Variants in CCDC85C observed in about 807,000 individuals in gnomAD.
CCDC85C encodes coiled-coil domain containing 85C.
Under a neutral mutation model 38.3 loss-of-function variants are expected in CCDC85C, and 18 were observed. The ratio of observed to expected loss-of-function variants is 0.47; its 90% confidence interval spans 0.33 to 0.70. CCDC85C has a LOEUF of 0.70. Among genes scored for constraint, CCDC85C ranks in the 30% least tolerant of loss-of-function variants. The pLI is 0.03. For missense variants in CCDC85C, 566 were observed against 621.2 expected (o/e 0.91, Z 0.94); for synonymous variants, 264 against 293.8 (o/e 0.90, Z 1.04).
chr14:99,599,065 G>A (rs147959727), intron 1 of CCDC85C, among the ~76,000 whole-genome samples: 56 of 152,218 alleles, frequency 3.7e-4, no homozygotes, highest in African/African-American at 1.3e-3. Context: ...CCTGAGCTTG[G>A]CTGGGTTTAG....
chr14:99,501,979 A>T lies in CCDC85C; in HGVS notation c.*13267T>A. The T allele has an allele frequency of 2.4e-6, 1 of 411,106 alleles. No homozygotes were observed. The allele number at this position is 411,106 out of a possible 1,614,324, so 25.5% of individuals were successfully genotyped here. Reference sequence around the variant, plus strand: ...TGGTGTAGCAATTTTTGGATGTGCTAGAATTCTTCTGATTCTTTAAGGAAT... The same window carrying T: ...TGGTGTAGCAATTTTTGGATGTGCTTGAATTCTTCTGATTCTTTAAGGAAT... On this transcript the variant is annotated 3_prime_UTR_variant, in exon 6 of 6. Coordinates refer to ENST00000380243, the MANE Select transcript of CCDC85C (RefSeq NM_001144995.2).
In CCDC85C at chr14:99,603,261, G is replaced by A. The variant is rs1188515400; in HGVS notation, c.699C>T (p.His233=). Reference sequence around the variant, plus strand: ...CTCCTGCCTTGCCGTCGGGGGCCTTGTGCGGCCCGGGGGGCAGCAGCGGGG... The same window carrying A: ...CTCCTGCCTTGCCGTCGGGGGCCTTATGCGGCCCGGGGGGCAGCAGCGGGG... ...VPPPLLPPGP[H]KAPDGKAGAT... The change falls in exon 1 of 6, where the codon CAC becomes CAT. Residue 233 remains histidine, a synonymous_variant. Coordinates refer to ENST00000380243, the MANE Select transcript of CCDC85C (RefSeq NM_001144995.2). This position sits in a 1 kb window ranked among gnomAD's most constrained non-coding sequence, Gnocchi z 7.5. 2.2e-6 allele frequency: 3 copies of A among 1,390,708 alleles called. No individual in the cohort carries two copies. Among genetic ancestry groups the A allele is most frequent in the African/African-American group, 3.0e-5 (2 of 65,870 alleles). The allele number at this position is 1,390,708 out of a possible 1,614,324, so 86.1% of individuals were successfully genotyped here. A position where few individuals can be genotyped will look rare whatever the true frequency, so the allele number is the denominator to read the frequency against.
chr14:99,586,316 G>A (rs539678623), intron 1 of CCDC85C, among the ~76,000 whole-genome samples: 5 of 152,362 alleles, frequency 3.3e-5, no homozygotes, highest in Admixed American at 3.3e-4. Context: ...GCAGGCACCA[G>A]AGGCACAATC....
At chr14:99,546,615 TG>T (rs1280711422) in intron 1 of CCDC85C, among the ~76,000 whole-genome samples, 2 of 151,884 alleles carry the variant, frequency 1.3e-5, no homozygotes, top group African/African-American at 4.8e-5. Context: ...CCTAGGGCGA[TG>T]GGAGTTCAGA....
At chr14:99,553,999 G>A (rs549419212) in intron 1 of CCDC85C, among the ~76,000 whole-genome samples, 13 of 152,294 alleles carry the variant, frequency 8.5e-5, no homozygotes, top group South Asian at 4.1e-4. Context: ...TGCAGGTTGC[G>A]GGAGGGACAG....
chr14:99,557,295 G>A (rs529289865), intron 1 of CCDC85C, among the ~76,000 whole-genome samples: 8 of 152,196 alleles, frequency 5.3e-5, no homozygotes, highest in South Asian at 2.1e-4. Flanking sequence ...ACCAGGGCAC[G>A]TGGTCTCAGA....
At chr14:99,522,512 A>AT (rs1432912179) in intron 2 of CCDC85C, 11 of 307,060 alleles carry the variant, frequency 3.6e-5, no homozygotes, top group African/African-American at 7.0e-5. Flanking sequence ...GAATGAATGA[A>AT]GAAGAGCCAG....
chr14:99,561,799 T>A lies in CCDC85C; in HGVS notation c.794-25711A>T, dbSNP rs530806499. Among the ~76,000 whole-genome samples, 12 of 152,192 alleles carry A rather than the reference T, an allele frequency of 7.9e-5. No individual in the cohort carries two copies. The South Asian group carries it at 2.3e-3, about 29-fold the overall frequency. On this transcript the variant is annotated intron_variant, in intron 1 of 5. Coordinates refer to ENST00000380243, the MANE Select transcript of CCDC85C (RefSeq NM_001144995.2). ...AAGGGGGCAGAGGAGGGATGCCAGG[T>A]GGGAGCAGGGAGACGGCCTTAGGTT...
intron 1 of CCDC85C, among the ~76,000 whole-genome samples, chr14:99,578,802 G>C (rs779997350): frequency 6.6e-6 from 1 of 152,154 alleles, no homozygotes; most frequent in Admixed American, 6.5e-5. Flanking sequence ...TTCCAAGACC[G>C]GAGCTGGCTT....
At chr14:99,568,094 A>G (rs1898254307) in intron 1 of CCDC85C, among the ~76,000 whole-genome samples, 6 of 151,960 alleles carry the variant, frequency 3.9e-5, no homozygotes, top group Admixed American at 3.9e-4. Context: ...CCCTTTAGGC[A>G]GAGAGGCAGG....
Position 99,502,171 on chromosome 14 carries a change from C to G in CCDC85C, c.*13075G>C, listed in dbSNP as rs1274706216. 4 of 1,534,062 alleles carry G rather than the reference C, an allele frequency of 2.6e-6. No homozygotes were observed. The highest frequency in any genetic ancestry group is 1.4e-5 in the African/African-American group (1 of 72,268). ...ACTGGTTTAATCATAAATATTAGAT[C>G]ATATTATCTAACCTTTTTTTTTCTT... is the stretch of plus-strand genomic sequence containing the variant. On this transcript the variant is annotated 3_prime_UTR_variant, in exon 6 of 6. Coordinates refer to ENST00000380243, the MANE Select transcript of CCDC85C (RefSeq NM_001144995.2).
At chr14:99,593,434 C>T (rs12590743) in intron 1 of CCDC85C, among the ~76,000 whole-genome samples, 12,701 of 152,294 alleles carry the variant, frequency 0.083, 1,054 homozygotes, top group African/African-American at 0.21. Flanking sequence ...ACCTGTCCAG[C>T]CCTGCGAAAG....
intron 1 of CCDC85C, among the ~76,000 whole-genome samples, chr14:99,571,822 C>T (rs1039532721): frequency 6.6e-6 from 1 of 152,216 alleles, no homozygotes; most frequent in Non-Finnish European, 1.5e-5. Flanking sequence ...GAGCCTGTCT[C>T]CAGTGAGCTG....
intron 1 of CCDC85C, among the ~76,000 whole-genome samples, chr14:99,562,783 G>A (rs1898142608): frequency 6.6e-6 from 1 of 151,784 alleles, no homozygotes; most frequent in Non-Finnish European, 1.5e-5. Context: ...GTATGCACAT[G>A]CCCACATGTA....
In CCDC85C at chr14:99,548,104, C is replaced by T. The variant is rs138254447; in HGVS notation, c.794-12016G>A. Among the ~76,000 whole-genome samples the T allele has an allele frequency of 3.3e-5, 5 of 152,048 alleles. No homozygotes were observed. Among genetic ancestry groups the T allele is most frequent in the Non-Finnish European group, 5.9e-5 (4 of 68,008 alleles). ...AACCCGACTATATGAGGATTACGAACGCTGCCAGAGAGTGGCTAGGTGAGC... is the reference window on the plus strand; with the variant it reads ...AACCCGACTATATGAGGATTACGAATGCTGCCAGAGAGTGGCTAGGTGAGC... On this transcript the variant is annotated intron_variant, in intron 1 of 5. Coordinates refer to ENST00000380243, the MANE Select transcript of CCDC85C (RefSeq NM_001144995.2). The surrounding 1 kb of genome is among the most constrained non-coding windows in gnomAD (Gnocchi z 4.9).
chr14:99,527,904 C>T (rs1363096513), intron 2 of CCDC85C, among the ~76,000 whole-genome samples: 1 of 152,214 alleles, frequency 6.6e-6, no homozygotes, highest in Non-Finnish European at 1.5e-5. Flanking sequence ...GGGAGGACCC[C>T]GGGCACCTGG....
chr14:99,500,650 C>A lies in CCDC85C; in HGVS notation c.*14596G>T. 1 of 708,570 alleles carries A rather than the reference C, an allele frequency of 1.4e-6. No homozygotes were observed. Among genetic ancestry groups the A allele is most frequent in the Non-Finnish European group, 2.5e-6 (1 of 398,760 alleles). 43.9% of individuals were successfully genotyped at this position (708,570 alleles called of 1,614,324 possible). A position where few individuals can be genotyped will look rare whatever the true frequency, so the allele number is the denominator to read the frequency against. ...GAGTGGGAGAGAAAGGAAGGAAAGGCAGTTGCTAAAATATAACTTGAAGAG... is the reference window on the plus strand; with the variant it reads ...GAGTGGGAGAGAAAGGAAGGAAAGGAAGTTGCTAAAATATAACTTGAAGAG... On this transcript the variant is annotated 3_prime_UTR_variant, in exon 6 of 6. Coordinates refer to ENST00000380243, the MANE Select transcript of CCDC85C (RefSeq NM_001144995.2).
At position 99,534,736 on chromosome 14, in the gene CCDC85C, C is replaced by T. The variant is rs1015075658; in HGVS notation, c.867+1279G>A. ...AATGGAAGGCTGGCGTCTAGGGAGC[C>T]CCACTCCACAGACAGGTGAGACCCC... On this transcript the variant is annotated intron_variant, in intron 2 of 5. Transcript: ENST00000380243. 5.7e-6 allele frequency: 4 copies of T among 702,194 alleles called. No individual in the cohort carries two copies. The African/African-American group carries it at 7.0e-5, about 12-fold the overall frequency. 43.5% of individuals were successfully genotyped at this position (702,194 alleles called of 1,614,324 possible).
rs1273430233 is a variant in CCDC85C at position 99,504,609 on chromosome 14, C to A, written c.*10637G>T. 2 of 152,088 alleles carry A rather than the reference C, an allele frequency of 1.3e-5. No individual in the cohort carries two copies. The highest frequency in any genetic ancestry group is 4.8e-5 in the African/African-American group (2 of 41,376). The allele number at this position is 152,088 out of a possible 1,614,324, so 9.4% of individuals were successfully genotyped here. ...GGGATTACAGGCATGCACCACCAGGCCTGGCTAATTTTGTATTTTTAGTAG... is the reference window on the plus strand; with the variant it reads ...GGGATTACAGGCATGCACCACCAGGACTGGCTAATTTTGTATTTTTAGTAG... On this transcript the variant is annotated 3_prime_UTR_variant, in exon 6 of 6. Coordinates refer to ENST00000380243, the MANE Select transcript of CCDC85C (RefSeq NM_001144995.2).
Sources: gnomAD v4.1 joint callset for allele counts (sites outside exome capture counted in the v4.1 genomes callset) on GRCh38, gnomAD v4.1.1 for gene constraint, Gnocchi (gnomAD v3.1) non-coding constraint, MANE v1.5 for transcripts, NCBI Gene and HGNC (gene_info 2026-07-23, HGNC 2026-07-21) for gene names.